FAM81A: variants seen among roughly 807,000 people sequenced by gnomAD.
FAM81A encodes family with sequence similarity 81 member A.
FAM81A carries 19 observed loss-of-function variants against 46.7 expected under a neutral mutation model. That is an observed-to-expected ratio of 0.41 (90% confidence interval 0.28 to 0.60). FAM81A has a LOEUF of 0.60. Ranked by LOEUF, FAM81A falls within the 20% of genes least tolerant of loss-of-function variation. The probability of loss-of-function intolerance (pLI) is 0.34; values close to 1 mark genes in which losing one functional copy is unlikely to be tolerated. For missense variants in FAM81A, 377 were observed against 453.5 expected, an observed-to-expected ratio of 0.83 and a Z score of 1.53; for synonymous variants, 183 against 152.9, an observed-to-expected ratio of 1.20 and a Z score of -1.45.
intron 3 of FAM81A, among the ~76,000 whole-genome samples, chr15:59,472,345 A>AAAACC (rs1157781521): frequency 1.3e-5 from 2 of 152,088 alleles, no homozygotes; most frequent in East Asian, 1.9e-4. Flanking sequence ...ATTCAAAACT[A>AAAACC]AAACCAAACC....
chr15:59,452,560 T>G (rs2081431833), intron 1 of FAM81A, among the ~76,000 whole-genome samples: 1 of 152,128 alleles, frequency 6.6e-6, no homozygotes, highest in Non-Finnish European at 1.5e-5. Flanking sequence ...GGCAGGAGGA[T>G]TGCTTGAGCC....
In FAM81A at chr15:59,471,393, T is replaced by C. The variant is rs148206145; in HGVS notation, c.294+11187T>C. Reference sequence around the variant, plus strand: ...TCTCTGTGTCTCTTGTAATGTTTCTTCTCTTAAAGTCTGTTTTGTCTGGTA... The same window carrying C: ...TCTCTGTGTCTCTTGTAATGTTTCTCCTCTTAAAGTCTGTTTTGTCTGGTA... On this transcript the variant is annotated intron_variant, in intron 3 of 8. Coordinates refer to ENST00000288228, the MANE Select transcript of FAM81A (RefSeq NM_152450.3). 8.9e-3 allele frequency among the ~76,000 whole-genome samples: 1,354 copies of C among 152,312 alleles called. 21 individuals are homozygous for C. The highest frequency in any genetic ancestry group is 0.03 in the African/African-American group (1,259 of 41,566).
chr15:59,412,327 C>T (rs1471570125), intron 2 of FAM81A, among the ~76,000 whole-genome samples: 1 of 152,168 alleles, frequency 6.6e-6, no homozygotes, highest in Non-Finnish European at 1.5e-5. Context: ...ACAGAAAAGA[C>T]TTGCTGTAAA....
In FAM81A at chr15:59,492,405, T is replaced by A. The variant is rs1296479178; in HGVS notation, c.413+16T>A. 3 of 1,598,730 alleles carry A rather than the reference T, an allele frequency of 1.9e-6. No homozygotes were observed. Among genetic ancestry groups the A allele is most frequent in the Non-Finnish European group, 2.6e-6 (3 of 1,168,664 alleles). On this transcript the variant is annotated intron_variant, in intron 4 of 8. Coordinates refer to ENST00000288228, the MANE Select transcript of FAM81A (RefSeq NM_152450.3). ...GAGTGGCAAGGTAGGTGTTCAAATG[T>A]TGGGGTCTCTGCTCATCAAAAACCA...
At chr15:59,411,083 C>T (rs1232094175) in intron 2 of FAM81A, among the ~76,000 whole-genome samples, 29 of 152,168 alleles carry the variant, frequency 1.9e-4, no homozygotes, top group Admixed American at 1.8e-3. Context: ...TTACACCAGG[C>T]TTTTCATTCA....
intron 3 of FAM81A, among the ~76,000 whole-genome samples, chr15:59,487,561 GA>G (rs1567065613): frequency 6.6e-6 from 1 of 151,818 alleles, no homozygotes; most frequent in East Asian, 1.9e-4. Context: ...AATCAGAGAT[GA>G]AAAAGGAGAC....
intron 4 of FAM81A, among the ~76,000 whole-genome samples, chr15:59,502,888 T>G (rs1020487857): frequency 1.3e-5 from 2 of 152,086 alleles, no homozygotes; most frequent in Admixed American, 6.6e-5. Context: ...CCAGCCTGCT[T>G]CTTTTTTTAC....
intron 1 of FAM81A, among the ~76,000 whole-genome samples, chr15:59,449,505 G>GGT (rs2081389552): frequency 6.6e-6 from 1 of 152,058 alleles, no homozygotes; most frequent in Non-Finnish European, 1.5e-5. Context: ...TTGTAGGCCG[G>GGT]GCACGGTGGC....
At chr15:59,481,009 T>C (rs1038008050) in intron 3 of FAM81A, among the ~76,000 whole-genome samples, 1 of 152,192 alleles carries the variant, frequency 6.6e-6, no homozygotes, top group Non-Finnish European at 1.5e-5. Flanking sequence ...TTCATTTGTT[T>C]TTTGAGACAG....
At chr15:59,427,511 T>G (rs754998079) in intron 2 of FAM81A, among the ~76,000 whole-genome samples, 2 of 152,122 alleles carry the variant, frequency 1.3e-5, no homozygotes, top group Non-Finnish European at 2.9e-5. Flanking sequence ...ATTTATTCTG[T>G]TTTTTTAATA....
chr15:59,398,759 GAAAAAAAAAAAAAA>G (rs71119468), intron 1 of FAM81A, among the ~76,000 whole-genome samples: 19 of 41,420 alleles, frequency 4.6e-4, no homozygotes, highest in East Asian at 1.4e-3. Flanking sequence ...CTCTGTCTCA[GAAAAAAAAAAAAAA>G]AAAAAAAAAA....
intron 2 of FAM81A, among the ~76,000 whole-genome samples, chr15:59,412,633 G>A (rs1222157108): frequency 6.6e-6 from 1 of 152,032 alleles, no homozygotes; most frequent in African/African-American, 2.4e-5. Context: ...AGGTTGAGGT[G>A]GGAGAATTGC....
At chr15:59,487,117 C>T (rs61296470) in intron 3 of FAM81A, among the ~76,000 whole-genome samples, 1 of 143,018 alleles carries the variant, frequency 7.0e-6, no homozygotes, top group East Asian at 2.1e-4. Flanking sequence ...ATAGAAACAA[C>T]AAAAAGTTAA....
intron 3 of FAM81A, among the ~76,000 whole-genome samples, chr15:59,467,915 C>A (rs1334494344): frequency 6.6e-6 from 1 of 152,044 alleles, no homozygotes; most frequent in Non-Finnish European, 1.5e-5. Flanking sequence ...GTTTTTAGCA[C>A]GACGGGCTGT....
At chr15:59,467,133 G>C (rs2081624179) in intron 3 of FAM81A, among the ~76,000 whole-genome samples, 1 of 152,144 alleles carries the variant, frequency 6.6e-6, no homozygotes, top group Admixed American at 6.5e-5. Flanking sequence ...TTTGAAGTCA[G>C]GTAGCATGAT....
At chr15:59,489,152 C>G (rs923131401) in intron 3 of FAM81A, among the ~76,000 whole-genome samples, 3 of 151,566 alleles carry the variant, frequency 2.0e-5, no homozygotes, top group African/African-American at 7.3e-5. Context: ...GTAGTCCCAG[C>G]TACTCGGGAG....
chr15:59,440,444 C>G (rs1239919120), intron 1 of FAM81A, among the ~76,000 whole-genome samples: 1 of 152,118 alleles, frequency 6.6e-6, no homozygotes, highest in Non-Finnish European at 1.5e-5. Flanking sequence ...AAGGGATAAA[C>G]AAACAAAAAA....
intron 6 of FAM81A, 65 bp downstream of exon 6, chr15:59,509,034 AT>A: frequency 1.6e-6 from 2 of 1,237,034 alleles, no homozygotes; most frequent in South Asian, 1.5e-5. Context: ...CAATACTATG[AT>A]TTTTTTCCTC....
At chr15:59,405,275 T>G (rs2081089171) in intron 2 of FAM81A, among the ~76,000 whole-genome samples, 1 of 152,130 alleles carries the variant, frequency 6.6e-6, no homozygotes, top group African/African-American at 2.4e-5. Flanking sequence ...GATGAATGAA[T>G]GAACAGGCCT....
Sources: allele counts gnomAD v4.1 joint callset (sites outside exome capture counted in the v4.1 genomes callset), GRCh38; gene constraint gnomAD v4.1.1; transcripts MANE v1.5; gene names NCBI Gene and HGNC (gene_info 2026-07-23, HGNC 2026-07-21).